Variants in SFMBT2 observed in about 807,000 individuals in gnomAD.
SFMBT2 encodes scm-like with four MBT domains protein 2.
SFMBT2 carries 38 observed loss-of-function variants against 110.1 expected under a neutral mutation model. The ratio of observed to expected loss-of-function variants is 0.35; its 90% CI spans 0.27 to 0.45. The LOEUF is 0.45. Among genes scored for constraint, SFMBT2 ranks in the 20% least tolerant of loss-of-function variants. The probability of loss-of-function intolerance (pLI) is 1.00; values close to 1 mark genes in which losing one functional copy is unlikely to be tolerated. For missense variants in SFMBT2, 1,011 were observed against 1,094.9 expected, an observed-to-expected ratio of 0.92 and a Z score of 1.08; for synonymous variants, 425 against 425.4, an observed-to-expected ratio of 1.00 and a Z score of 0.01.
chr10:7,222,447 T>A (rs561694252), intron 10 of SFMBT2, among the ~76,000 whole-genome samples: 1 of 152,332 alleles, frequency 6.6e-6, no homozygotes, highest in South Asian at 2.1e-4. Flanking sequence ...GATCAGGGTG[T>A]CAGCAGGGGT....
In SFMBT2 at chr10:7,181,131, C is replaced by T. The variant is rs957498269; in HGVS notation, c.1809-4966G>A. ...GTGCACGCCTGTAGTCTCAGCTACT[C>T]AGGAGGCTGAGGCAGGAGAATCGCT... is the stretch of plus-strand genomic sequence containing the variant. On this transcript the variant is annotated intron_variant, in intron 16 of 20. Transcript: ENST00000397167. 5.3e-5 allele frequency among the ~76,000 whole-genome samples: 8 copies of T among 151,740 alleles called. 1 individual carries two copies. In the South Asian group the frequency reaches 1.5e-3, roughly 28 times the overall value.
Position 7,172,192 on chromosome 10 carries a change from T to C in SFMBT2, c.2152-34A>G, listed in dbSNP as rs1837899829. 6.6e-7 allele frequency: 1 copy of C among 1,523,042 alleles called. No homozygotes were observed. The highest frequency in any genetic ancestry group is 1.4e-5 in the African/African-American group (1 of 71,850). The allele number at this position is 1,523,042 out of a possible 1,614,324, so 94.3% of individuals were successfully genotyped here. A position where few individuals can be genotyped will look rare whatever the true frequency, so the allele number is the denominator to read the frequency against. ...GAGGAAAAGGCATTTAAGGGGCTGGTGGCCCGGGGGCCTGTAGCGGTGGCC... is the reference window on the plus strand; with the variant it reads ...GAGGAAAAGGCATTTAAGGGGCTGGCGGCCCGGGGGCCTGTAGCGGTGGCC... On this transcript the variant is annotated intron_variant, in intron 18 of 20. Coordinates refer to ENST00000397167, the MANE Select transcript of SFMBT2 (RefSeq NM_001387889.1). The surrounding 1 kb of genome is among the most constrained non-coding windows in gnomAD (Gnocchi z 4.6).
At chr10:7,176,923 T>C (rs1426486916) in intron 16 of SFMBT2, among the ~76,000 whole-genome samples, 1 of 151,984 alleles carries the variant, frequency 6.6e-6, no homozygotes, top group African/African-American at 2.4e-5. Context: ...AGGAAAAGGC[T>C]GCTGTATCTC....
At chr10:7,296,652 T>G (rs1046771449) in intron 4 of SFMBT2, among the ~76,000 whole-genome samples, 2 of 152,234 alleles carry the variant, frequency 1.3e-5, no homozygotes, top group Admixed American at 6.5e-5. Flanking sequence ...AGTATTTAGG[T>G]TGCTGTCTGT....
intron 9 of SFMBT2, among the ~76,000 whole-genome samples, chr10:7,239,914 C>T (rs968720923): frequency 6.6e-6 from 1 of 152,144 alleles, no homozygotes; most frequent in Non-Finnish European, 1.5e-5. Flanking sequence ...CACCCCTGCA[C>T]CCCTGCACCA....
In SFMBT2 at chr10:7,200,461, T is replaced by C; in HGVS notation, c.1511A>G (p.Lys504Arg). The change falls in exon 14 of 21, where the codon AAG becomes AGG. Residue 504 changes from lysine to arginine, a missense_variant. By Grantham distance (26) the Lys-to-Arg change is conservative. This residue lies in a region of SFMBT2 where 979 missense variants were observed against 1,016.1 expected (regional missense o/e 0.96). Transcript: ENST00000397167. Reference protein sequence around the residue: ...EKQLPPTVPVKKIPHDLCLFP... With the variant: ...EKQLPPTVPVRKIPHDLCLFP... ...TAAACAAAGGTCATGAGGTATTTTC[T>C]TAACAGGCACTGTGGGCGGCAATCT... 6.2e-7 allele frequency: 1 copy of C among 1,602,366 alleles called. No individual in the cohort carries two copies. The highest frequency in any genetic ancestry group is 1.1e-5 in the South Asian group (1 of 89,130).
intron 4 of SFMBT2, among the ~76,000 whole-genome samples, chr10:7,321,532 A>C (rs1258302439): frequency 1.3e-5 from 2 of 152,174 alleles, no homozygotes; most frequent in African/African-American, 4.8e-5. Flanking sequence ...ATTCAGGGTA[A>C]AATAACGTCA....
chr10:7,346,787 T>C (rs1844124235), intron 4 of SFMBT2, among the ~76,000 whole-genome samples: 1 of 140,332 alleles, frequency 7.1e-6, no homozygotes, highest in Admixed American at 7.4e-5. Flanking sequence ...CTGGCCAACA[T>C]GGTGAAACCT....
intron 4 of SFMBT2, among the ~76,000 whole-genome samples, chr10:7,321,266 A>G (rs113258464): frequency 0.073 from 10,997 of 151,102 alleles, 530 homozygotes; most frequent in Non-Finnish European, 0.11. Flanking sequence ...CAGTGGCACA[A>G]TCTCGGCTCA....
chr10:7,297,182 C>T (rs1256915390), intron 4 of SFMBT2, among the ~76,000 whole-genome samples: 2 of 152,240 alleles, frequency 1.3e-5, no homozygotes, highest in Admixed American at 6.5e-5. Context: ...ATGAATCAGT[C>T]ATCAGACAGC....
intron 4 of SFMBT2, among the ~76,000 whole-genome samples, chr10:7,297,558 G>A (rs1473153469): frequency 2.6e-5 from 4 of 152,144 alleles, no homozygotes; most frequent in African/African-American, 4.8e-5. Flanking sequence ...AGGAGAAGCA[G>A]GAGGAGGATG....
intron 7 of SFMBT2, among the ~76,000 whole-genome samples, chr10:7,272,610 A>C (rs1192218072): frequency 6.6e-6 from 1 of 152,090 alleles, no homozygotes; most frequent in Non-Finnish European, 1.5e-5. Context: ...GCAGGCCAGC[A>C]CCCAGCCCTC....
At chr10:7,297,099 G>T (rs1842426369) in intron 4 of SFMBT2, among the ~76,000 whole-genome samples, 1 of 152,126 alleles carries the variant, frequency 6.6e-6, no homozygotes, top group African/African-American at 2.4e-5. Flanking sequence ...CTAACACATT[G>T]CCCTACCGTT....
rs1564470476 is a variant in SFMBT2 at position 7,386,724 on chromosome 10, AAAGAG to A, written c.-51-4780_-51-4776del. 3.3e-5 allele frequency among the ~76,000 whole-genome samples: 5 copies of A among 152,368 alleles called. No homozygotes were observed. The South Asian group carries it at 1.0e-3, about 32-fold the overall frequency. ...TAAGAGGAGGAGCTTCTGTCGCTCCAAAGAGAAGAAATGGAAGTGTTAGCATGGTA... is the reference window on the plus strand; with the variant it reads ...TAAGAGGAGGAGCTTCTGTCGCTCCAAAGAAATGGAAGTGTTAGCATGGTA... On this transcript the variant is annotated intron_variant, in intron 1 of 20. Coordinates refer to ENST00000397167, the MANE Select transcript of SFMBT2 (RefSeq NM_001387889.1).
At chr10:7,194,843 G>A (rs889828137) in intron 15 of SFMBT2, among the ~76,000 whole-genome samples, 11 of 152,110 alleles carry the variant, frequency 7.2e-5, no homozygotes, top group Non-Finnish European at 1.3e-4. Flanking sequence ...GGCACTTATC[G>A]GAGAATTGAT....
At chr10:7,351,870 T>TA (rs796965811) in intron 4 of SFMBT2, among the ~76,000 whole-genome samples, 2,641 of 142,732 alleles carry the variant, frequency 0.019, 73 homozygotes, top group African/African-American at 0.064. Flanking sequence ...CTCTTACCTG[T>TA]AAAAAAAAAA....
At chr10:7,345,676 C>T (rs1281616831) in intron 4 of SFMBT2, among the ~76,000 whole-genome samples, 1 of 152,172 alleles carries the variant, frequency 6.6e-6, no homozygotes, top group Non-Finnish European at 1.5e-5. Context: ...TTTTTACATT[C>T]TTCATTCTAT....
At chr10:7,328,250 T>C (rs1588452527) in intron 4 of SFMBT2, among the ~76,000 whole-genome samples, 1 of 152,268 alleles carries the variant, frequency 6.6e-6, no homozygotes, top group African/African-American at 2.4e-5. Flanking sequence ...ATCTGCTTAT[T>C]TGCCATCTGT....
intron 7 of SFMBT2, among the ~76,000 whole-genome samples, chr10:7,250,240 C>G (rs1195928766): frequency 6.6e-6 from 1 of 152,096 alleles, no homozygotes; most frequent in East Asian, 1.9e-4. Context: ...TGACTCATTT[C>G]CCCCCTCCCC....
Sources: allele counts gnomAD v4.1 joint callset (sites outside exome capture counted in the v4.1 genomes callset), GRCh38; gene constraint gnomAD v4.1.1; regional missense constraint gnomAD v4.1.1; non-coding constraint Gnocchi (gnomAD v3.1); transcripts MANE v1.5; gene names NCBI Gene and HGNC (gene_info 2026-07-23, HGNC 2026-07-21).